Variants in PAWR observed in about 807,000 individuals in gnomAD.
PAWR encodes pro-apoptotic WT1 regulator, also known as PRKC apoptosis WT1 regulator protein.
PAWR carries 23 observed loss-of-function variants against 32.0 expected under a neutral mutation model. The observed-to-expected ratio is 0.72, with a 90% CI of 0.52 to 1.02. The LOEUF (loss-of-function observed/expected upper bound fraction) is 1.02, where lower values mean the gene tolerates loss of function less well. PAWR is among the 50% of genes least tolerant of loss of function. The probability of loss-of-function intolerance (pLI) is 0.00; values close to 1 mark genes in which losing one functional copy is unlikely to be tolerated. For synonymous variants in PAWR, 226 were observed against 187.1 expected (o/e 1.21, Z -1.70); for missense variants, 457 against 437.7 (o/e 1.04, Z -0.39).
intron 2 of PAWR, among the ~76,000 whole-genome samples, chr12:79,643,543 CAG>C (rs1055531389): frequency 1.3e-5 from 2 of 152,092 alleles, no homozygotes; most frequent in Non-Finnish European, 2.9e-5. Flanking sequence ...TGTCTACTAG[CAG>C]AGTTTTTGAA....
At chr12:79,686,665 C>T (rs915408891) in intron 2 of PAWR, among the ~76,000 whole-genome samples, 1 of 152,036 alleles carries the variant, frequency 6.6e-6, no homozygotes, top group African/African-American at 2.4e-5. Context: ...ATATACTATA[C>T]AAACAATTAT....
At position 79,591,968 on chromosome 12, in the gene PAWR, A is replaced by G. The variant is rs990585243; in HGVS notation, c.*639T>C. The G allele has an allele frequency of 6.6e-6, 1 of 152,604 alleles. No homozygotes were observed. The highest frequency in any genetic ancestry group is 1.5e-5 in the Non-Finnish European group (1 of 67,994). 9.5% of individuals were successfully genotyped at this position (152,604 alleles called of 1,614,324 possible). A position where few individuals can be genotyped will look rare whatever the true frequency, so the allele number is the denominator to read the frequency against. On this transcript the variant is annotated 3_prime_UTR_variant, in exon 7 of 7. Transcript: ENST00000328827. ...AAAGTGATTCAATTTTTCAATATTC[A>G]AACACAAAATAGTAAATTTTTATTT... is the stretch of plus-strand genomic sequence containing the variant.
chr12:79,611,149 T>C, intron 4 of PAWR, among the ~76,000 whole-genome samples: 1 of 146,928 alleles, frequency 6.8e-6, no homozygotes, highest in Non-Finnish European at 1.5e-5. Flanking sequence ...AATTTATATA[T>C]ATATATTTAT....
intron 3 of PAWR, among the ~76,000 whole-genome samples, chr12:79,617,697 G>A (rs1426170257): frequency 2.0e-5 from 3 of 152,080 alleles, no homozygotes; most frequent in Non-Finnish European, 4.4e-5. Context: ...ATTATGGAAG[G>A]ATCAAATTAG....
At chr12:79,614,387 T>C (rs974684735) in intron 3 of PAWR, among the ~76,000 whole-genome samples, 35 of 152,078 alleles carry the variant, frequency 2.3e-4, no homozygotes, top group East Asian at 1.9e-4. Flanking sequence ...CGTGTGCATA[T>C]AGTAATTAGT....
At chr12:79,604,486 A>C in intron 4 of PAWR, 1 of 1,093,726 alleles carries the variant, frequency 9.1e-7, no homozygotes, top group Non-Finnish European at 1.1e-6. Flanking sequence ...CCACTAAAAT[A>C]GACATTATAA....
intron 2 of PAWR, among the ~76,000 whole-genome samples, chr12:79,654,156 C>A (rs1251061734): frequency 6.6e-6 from 1 of 152,094 alleles, no homozygotes; most frequent in Non-Finnish European, 1.5e-5. Flanking sequence ...CAGGGAAAAA[C>A]CAATTAGCCT....
intron 2 of PAWR, among the ~76,000 whole-genome samples, chr12:79,621,857 C>T (rs1875035151): frequency 6.6e-6 from 1 of 152,124 alleles, no homozygotes; most frequent in Admixed American, 6.5e-5. Flanking sequence ...TAACTCTACA[C>T]TTTCTACATA....
chr12:79,663,065 T>G (rs1023202807), intron 2 of PAWR, among the ~76,000 whole-genome samples: 11 of 152,208 alleles, frequency 7.2e-5, no homozygotes, highest in African/African-American at 2.7e-4. Context: ...CTACCTAATT[T>G]TACACAACAA....
chr12:79,681,781 G>A (rs1878460454), intron 2 of PAWR, among the ~76,000 whole-genome samples: 1 of 151,982 alleles, frequency 6.6e-6, no homozygotes, highest in African/African-American at 2.4e-5. Flanking sequence ...TACATTATAG[G>A]ATATGGAGAA....
At chr12:79,594,976 C>T (rs1431375464) in intron 5 of PAWR, among the ~76,000 whole-genome samples, 1 of 152,184 alleles carries the variant, frequency 6.6e-6, no homozygotes, top group Non-Finnish European at 1.5e-5. Flanking sequence ...CTCAGCCTAC[C>T]AAAGTGCTGG....
chr12:79,621,002 T>G, intron 3 of PAWR, 74 bp downstream of exon 3: 1 of 1,096,624 alleles, frequency 9.1e-7, no homozygotes, highest in Admixed American at 2.2e-5. Flanking sequence ...TATTACTACA[T>G]ACAACTCAAG....
intron 2 of PAWR, among the ~76,000 whole-genome samples, chr12:79,682,422 C>G (rs1878490186): frequency 6.6e-6 from 1 of 152,148 alleles, no homozygotes; most frequent in South Asian, 2.1e-4. Context: ...CAAAACCTAA[C>G]AAAATATTAA....
At chr12:79,671,874 C>T (rs962354982) in intron 2 of PAWR, among the ~76,000 whole-genome samples, 1 of 152,010 alleles carries the variant, frequency 6.6e-6, no homozygotes, top group African/African-American at 2.4e-5. Flanking sequence ...TCAAAGCCAG[C>T]GTGGGCAACA....
At chr12:79,617,118 G>A (rs1026343681) in intron 3 of PAWR, among the ~76,000 whole-genome samples, 2 of 152,128 alleles carry the variant, frequency 1.3e-5, no homozygotes, top group Admixed American at 6.5e-5. Flanking sequence ...AGCACTTTGG[G>A]AGGCCAACGC....
Position 79,626,329 on chromosome 12 carries a change from G to C in PAWR, c.517-5122C>G, listed in dbSNP as rs777148869. 9.0e-4 allele frequency among the ~76,000 whole-genome samples: 133 copies of C among 147,446 alleles called. 1 individual carries two copies. Among genetic ancestry groups the C allele is most frequent in the African/African-American group, 3.2e-3 (127 of 40,156 alleles). On this transcript the variant is annotated intron_variant, in intron 2 of 6. Coordinates refer to ENST00000328827, the MANE Select transcript of PAWR (RefSeq NM_002583.4). ...GGCTGGAGTGCAGTGGCGTGATCTCGGCTCACTGCAAGCTCCGCCTCCCAG... is the reference window on the plus strand; with the variant it reads ...GGCTGGAGTGCAGTGGCGTGATCTCCGCTCACTGCAAGCTCCGCCTCCCAG...
rs8176866 is a variant in PAWR, at chr12:79,621,756, T to C, written c.517-549A>G. ...TGGCTACAATTTGGAATTGCAGATA[T>C]ATAAAAAAAGAGAATTACACATGTA... On this transcript the variant is annotated intron_variant, in intron 2 of 6. Coordinates refer to ENST00000328827, the MANE Select transcript of PAWR (RefSeq NM_002583.4). 4.9e-3 allele frequency among the ~76,000 whole-genome samples: 742 copies of C among 152,166 alleles called. 6 individuals carry two copies. Among genetic ancestry groups the C allele is most frequent in the African/African-American group, 0.017 (705 of 41,540 alleles).
intron 2 of PAWR, among the ~76,000 whole-genome samples, chr12:79,647,844 G>T (rs1320928117): frequency 1.3e-5 from 2 of 152,100 alleles, no homozygotes; most frequent in African/African-American, 4.8e-5. Context: ...CTAACACAGC[G>T]GTCCCCAATC....
intron 2 of PAWR, among the ~76,000 whole-genome samples, chr12:79,660,259 T>C (rs1016925975): frequency 3.9e-5 from 6 of 152,148 alleles, no homozygotes; most frequent in Middle Eastern, 3.2e-3. Flanking sequence ...ATAAAATCCT[T>C]TTTCCTAGGG....
Sources: allele counts gnomAD v4.1 joint callset (sites outside exome capture counted in the v4.1 genomes callset), GRCh38; gene constraint gnomAD v4.1.1; transcripts MANE v1.5; gene names NCBI Gene and HGNC (gene_info 2026-07-23, HGNC 2026-07-21).